The following SPTAN1 variants were observed in gnomAD, a reference collection of about 807,000 sequenced individuals.
SPTAN1 encodes spectrin alpha, non-erythrocytic 1.
SPTAN1 carries 61 observed loss-of-function variants against 331.3 expected under a neutral mutation model. The observed-to-expected ratio is 0.18, with a 90% confidence interval of 0.15 to 0.23. SPTAN1 has a LOEUF of 0.23. SPTAN1 is among the 10% of genes least tolerant of loss of function. SPTAN1 has a pLI of 1.00. For synonymous variants in SPTAN1, 1,153 were observed against 1,173.9 expected (o/e 0.98, Z 0.36); for missense variants, 2,043 against 3,147.9 (o/e 0.65, Z 8.40).
At chr9:128,613,699 A>G (rs1454044758) in intron 40 of SPTAN1, among the ~76,000 whole-genome samples, 1 of 152,242 alleles carries the variant, frequency 6.6e-6, no homozygotes, top group Non-Finnish European at 1.5e-5. Flanking sequence ...GCTCACCATT[A>G]TTAAAAATTA....
Position 128,595,301 on chromosome 9 carries a change from G to T in SPTAN1, c.3414+928G>T, listed in dbSNP as rs138442944. Among the ~76,000 whole-genome samples the T allele has an allele frequency of 5.9e-4, 90 of 152,226 alleles. No homozygotes were observed. The East Asian group carries it at 0.016, about 27-fold the overall frequency. On this transcript the variant is annotated intron_variant, in intron 24 of 56. Transcript: ENST00000372739. ...ATTTTTGTATTTTTAGTACAACCGG[G>T]ATTTTGCCATGTTGGCCAGCCTGGT...
Position 128,627,448 on chromosome 9 carries a change from G to A in SPTAN1, c.6639G>A (p.Gln2213=), listed in dbSNP as rs1272309493. 1 of 1,551,162 alleles carries A rather than the reference G, an allele frequency of 6.4e-7. No individual in the cohort carries two copies. The highest frequency in any genetic ancestry group is 2.4e-5 in the East Asian group (1 of 40,922). ...AGGAGGAGAACGACAAGCTGCGCCA[G>A]GAGTTTGCCCAGCACGCCAACGCCT... is the stretch of plus-strand genomic sequence containing the variant. ...RRQEENDKLR[Q]EFAQHANAFH... The change falls in exon 50 of 57, where the codon CAG becomes CAA. Residue 2213 remains glutamine, a synonymous_variant. Transcript: ENST00000372739. This position sits in a 1 kb window ranked among gnomAD's most constrained non-coding sequence, Gnocchi z 4.9.
intron 39 of SPTAN1, among the ~76,000 whole-genome samples, chr9:128,613,042 T>G (rs1856746177): frequency 6.6e-6 from 1 of 152,168 alleles, no homozygotes; most frequent in African/African-American, 2.4e-5. Flanking sequence ...GGTGTATATA[T>G]TTTGCTGTAG....
Position 128,573,385 on chromosome 9 carries a change from A to G in SPTAN1, c.364-1290A>G, listed in dbSNP as rs546565541. On this transcript the variant is annotated intron_variant, in intron 3 of 56. Coordinates refer to ENST00000372739, the MANE Select transcript of SPTAN1 (RefSeq NM_001130438.3). ...GATGTACCACAAACTGTCTTTTCAC[A>G]GAAGGTCCAAAGTTTTTTCTATCAG... Among the ~76,000 whole-genome samples the G allele has an allele frequency of 2.6e-5, 4 of 152,364 alleles. No homozygotes were observed. The East Asian group carries it at 7.7e-4, about 29-fold the overall frequency.
intron 1 of SPTAN1, among the ~76,000 whole-genome samples, chr9:128,566,338 G>C (rs1333174160): frequency 6.6e-6 from 1 of 152,148 alleles, no homozygotes; most frequent in African/African-American, 2.4e-5. Flanking sequence ...TTACAAGTGT[G>C]CGCCACCGCA....
intron 49 of SPTAN1, chr9:128,626,946 C>A: frequency 1.6e-6 from 1 of 619,254 alleles, no homozygotes; most frequent in South Asian, 1.7e-5. Flanking sequence ...TCTTGAATAA[C>A]TGGGACTACA....
intron 24 of SPTAN1, 115 bp from the exon 25 acceptor site, chr9:128,598,285 T>G: frequency 1.3e-6 from 1 of 753,186 alleles, no homozygotes; most frequent in Non-Finnish European, 2.2e-6. Context: ...TTTTTTTTTT[T>G]TGGTAGGCCT....
At chr9:128,568,019 C>T (rs1850237085) in intron 2 of SPTAN1, among the ~76,000 whole-genome samples, 1 of 152,180 alleles carries the variant, frequency 6.6e-6, no homozygotes, top group Non-Finnish European at 1.5e-5. Context: ...GCCTCAGCCT[C>T]CCAAAGTGCT....
intron 40 of SPTAN1, among the ~76,000 whole-genome samples, chr9:128,614,464 C>G (rs573880731): frequency 2.0e-5 from 3 of 151,982 alleles, no homozygotes; most frequent in Admixed American, 6.6e-5. Context: ...TGGCATGTGC[C>G]TATAAATCCC....
At chr9:128,630,936 T>A (rs1405970374) in intron 52 of SPTAN1, among the ~76,000 whole-genome samples, 1 of 152,068 alleles carries the variant, frequency 6.6e-6, no homozygotes, top group East Asian at 1.9e-4. Context: ...CTCGAACTCC[T>A]GACCTCGGCT....
intron 45 of SPTAN1, among the ~76,000 whole-genome samples, chr9:128,622,316 T>TG (rs1857985946): frequency 6.7e-6 from 1 of 149,458 alleles, no homozygotes; most frequent in Non-Finnish European, 1.5e-5. Flanking sequence ...TTTTTTTTTT[T>TG]GCGACGGAGT....
In SPTAN1 at chr9:128,633,269, A is replaced by C. The variant is rs777555495; in HGVS notation, c.7369A>C (p.Lys2457Gln). The change falls in exon 57 of 57, where the codon AAG becomes CAG. Residue 2457 changes from lysine to glutamine, a missense_variant. Physicochemically the swap from Lys to Gln is moderately conservative, Grantham distance 53. Around this residue, in one of 12 missense-constraint regions of SPTAN1, gnomAD observed 88 missense variants for 96.5 expected, o/e 0.91. Transcript: ENST00000372739. ...CCACATGAAGCCCTACGTGGACGGC[A>C]AGGGCCGCGAGCTCCCCACCGCGTT... Reference protein sequence around the residue: ...VSHMKPYVDGKGRELPTAFDY... With the variant: ...VSHMKPYVDGQGRELPTAFDY... 1.2e-6 allele frequency: 2 copies of C among 1,614,000 alleles called. No individual in the cohort carries two copies. Among genetic ancestry groups the C allele is most frequent in the Non-Finnish European group, 1.7e-6 (2 of 1,180,018 alleles).
At chr9:128,572,135 C>T (rs1198923102) in intron 3 of SPTAN1, among the ~76,000 whole-genome samples, 1 of 152,234 alleles carries the variant, frequency 6.6e-6, no homozygotes, top group Non-Finnish European at 1.5e-5. Context: ...GCTGGGATTA[C>T]AGGCGTGAGC....
rs1564218660 is a variant in SPTAN1 at position 128,580,914 on chromosome 9, C to A, written c.1324-8C>A. The A allele has an allele frequency of 6.2e-7, 1 of 1,612,418 alleles. No homozygotes were observed. The highest frequency in any genetic ancestry group is 1.7e-5 in the Admixed American group (1 of 60,020). On this transcript the variant is annotated splice_polypyrimidine_tract_variant and splice_region_variant and intron_variant, in intron 10 of 56. Coordinates refer to ENST00000372739, the MANE Select transcript of SPTAN1 (RefSeq NM_001130438.3). ...CATCTCCCTGACCATGTCTCCTATGCCCCCAAGCTGACCGTCCTTTCCGAG... is the reference window on the plus strand; with the variant it reads ...CATCTCCCTGACCATGTCTCCTATGACCCCAAGCTGACCGTCCTTTCCGAG...
intron 37 of SPTAN1, among the ~76,000 whole-genome samples, chr9:128,609,876 C>G (rs926823661): frequency 6.6e-6 from 1 of 152,170 alleles, no homozygotes; most frequent in Non-Finnish European, 1.5e-5. Context: ...CCTTACTCCC[C>G]CTTCTCTCCC....
Position 128,625,276 on chromosome 9 carries a change from C to T in SPTAN1, c.6069+97C>T. ...ACTGAGGCATTTATCTTCTGTTAGC[C>T]CCTGGGGATCAGCAGGAAAAAGATC... On this transcript the variant is annotated intron_variant, in intron 47 of 56. Transcript: ENST00000372739. The surrounding 1 kb of genome is among the most constrained non-coding windows in gnomAD (Gnocchi z 4.1). The T allele has an allele frequency of 8.0e-7, 1 of 1,242,870 alleles. No homozygotes were observed. The highest frequency in any genetic ancestry group is 1.9e-5 in the Admixed American group (1 of 53,208). The allele number at this position is 1,242,870 out of a possible 1,614,324, so 77.0% of individuals were successfully genotyped here. A position where few individuals can be genotyped will look rare whatever the true frequency, so the allele number is the denominator to read the frequency against.
Position 128,570,357 on chromosome 9 carries a change from G to A in SPTAN1, c.363+1460G>A, listed in dbSNP as rs1207950104. Among the ~76,000 whole-genome samples, 7 of 97,238 alleles carry A rather than the reference G, an allele frequency of 7.2e-5. No homozygotes were observed. The East Asian group carries it at 2.4e-3, about 34-fold the overall frequency. 63.8% of individuals were successfully genotyped at this position (97,238 alleles called of 152,430 possible). A position where few individuals can be genotyped will look rare whatever the true frequency, so the allele number is the denominator to read the frequency against. On this transcript the variant is annotated intron_variant, in intron 3 of 56. Coordinates refer to ENST00000372739, the MANE Select transcript of SPTAN1 (RefSeq NM_001130438.3). ...TTTTTTTTTTTTTTTTTTTTTTTGA[G>A]ACGAAGTTTTGCTCTTGTTGCCCAA...
chr9:128,572,390 ACTCT>A (rs1850831379), intron 3 of SPTAN1, among the ~76,000 whole-genome samples: 1 of 152,000 alleles, frequency 6.6e-6, no homozygotes, highest in Non-Finnish European at 1.5e-5. Context: ...GTGAAGCCAG[ACTCT>A]CTCTAACCTG....
intron 20 of SPTAN1, 105 bp downstream of exon 20, chr9:128,587,803 T>C: frequency 1.2e-6 from 1 of 819,862 alleles, no homozygotes; most frequent in Admixed American, 2.0e-5. Flanking sequence ...TGCTATTAAC[T>C]CTTGTGACAC....
Sources: gnomAD v4.1 joint callset for allele counts (sites outside exome capture counted in the v4.1 genomes callset) on GRCh38, gnomAD v4.1.1 for gene constraint, gnomAD v4.1.1 regional missense constraint, Gnocchi (gnomAD v3.1) non-coding constraint, MANE v1.5 for transcripts, NCBI Gene and HGNC (gene_info 2026-07-23, HGNC 2026-07-21) for gene names.